The following ITGA9 variants were observed in gnomAD, a reference collection of about 807,000 sequenced individuals.
ITGA9 encodes integrin alpha-9.
In ITGA9, 56 loss-of-function variants were observed where a neutral mutation model predicts 127.8. The observed-to-expected ratio is 0.44, with a 90% CI of 0.35 to 0.55. The LOEUF (loss-of-function observed/expected upper bound fraction) is 0.55, where lower values mean the gene tolerates loss of function less well. Ranked by LOEUF, ITGA9 falls within the 20% of genes least tolerant of loss-of-function variation. The pLI, the probability that ITGA9 is intolerant of heterozygous loss-of-function variation, is 0.00. For synonymous variants in ITGA9, 508 were observed against 514.5 expected (o/e 0.99, Z 0.17); for missense variants, 1,196 against 1,347.1 (o/e 0.89, Z 1.76).
At chr3:37,594,099 G>A (rs1435502167) in intron 15 of ITGA9, among the ~76,000 whole-genome samples, 2 of 152,228 alleles carry the variant, frequency 1.3e-5, no homozygotes, top group African/African-American at 4.8e-5. Flanking sequence ...GGGTGACAAG[G>A]TTGCCAGGGA....
In ITGA9 at chr3:37,523,598, A is replaced by G. The variant is rs1410862341; in HGVS notation, c.1314A>G (p.Gly438=). 6.2e-7 allele frequency: 1 copy of G among 1,611,608 alleles called. No homozygotes were observed. Residue 438 remains glycine (G), a synonymous_variant, in exon 12 of 28, where the codon GGA becomes GGG. Transcript: ENST00000264741. ...TATCGGGAGGCATTGATATGGATGG[A>G]AATGGCTATCCTGGTAAGCTGTTTT... is the stretch of plus-strand genomic sequence containing the variant. ...QSISGGIDMD[G]NGYPDVTVGA...
At position 37,820,851 on chromosome 3, in the gene ITGA9, C is replaced by CT. The variant is rs1275377306; in HGVS notation, c.*1868dup. The CT allele has an allele frequency of 6.6e-6, 1 of 152,178 alleles. No individual in the cohort carries two copies. The highest frequency in any genetic ancestry group is 1.5e-5 in the Non-Finnish European group (1 of 68,026). The allele number at this position is 152,178 out of a possible 1,614,324, so 9.4% of individuals were successfully genotyped here. A position where few individuals can be genotyped will look rare whatever the true frequency, so the allele number is the denominator to read the frequency against. ...AAACCAAGGGTCTTTCTTATAGCACCTTTTTTACTGGAAGCTAACACGTTG... is the reference window on the plus strand; with the variant it reads ...AAACCAAGGGTCTTTCTTATAGCACCTTTTTTTACTGGAAGCTAACACGTTG... On this transcript the variant is annotated 3_prime_UTR_variant, in exon 28 of 28. Coordinates refer to ENST00000264741, the MANE Select transcript of ITGA9 (RefSeq NM_002207.3).
chr3:37,553,391 C>A (rs978686098), intron 15 of ITGA9, among the ~76,000 whole-genome samples: 4 of 152,222 alleles, frequency 2.6e-5, no homozygotes, highest in Non-Finnish European at 4.4e-5. Flanking sequence ...GCTGTCACAT[C>A]TCTTTAGTCT....
chr3:37,690,580 C>T (rs1700821816), intron 18 of ITGA9, among the ~76,000 whole-genome samples: 1 of 152,130 alleles, frequency 6.6e-6, no homozygotes. Flanking sequence ...CAGACCTGGA[C>T]ATGAAAGGAT....
chr3:37,689,579 C>T (rs4378922), intron 18 of ITGA9, among the ~76,000 whole-genome samples: 11,784 of 152,214 alleles, frequency 0.077, 1,408 homozygotes, highest in African/African-American at 0.26. Context: ...TGAGAGGGAG[C>T]TCCTGGGGCC....
chr3:37,521,229 T>A (rs769775417), intron 11 of ITGA9, among the ~76,000 whole-genome samples: 1 of 152,226 alleles, frequency 6.6e-6, no homozygotes, highest in Admixed American at 6.5e-5. Context: ...TGGCAGATTC[T>A]TGCAGGCCCA....
intron 15 of ITGA9, among the ~76,000 whole-genome samples, chr3:37,626,745 T>C (rs1700179845): frequency 6.6e-6 from 1 of 152,164 alleles, no homozygotes; most frequent in Non-Finnish European, 1.5e-5. Context: ...AAAGACAGTG[T>C]CTGTGAAGAG....
chr3:37,516,419 A>C lies in ITGA9; in HGVS notation c.1036-1085A>C, dbSNP rs143503874. ...TTGAAATTGGTGGCCCAATTTCCTC[A>C]TCTGTAAAGTGAGAGGCATCATAAG... On this transcript the variant is annotated intron_variant, in intron 9 of 27. Transcript: ENST00000264741. Among the ~76,000 whole-genome samples the C allele has an allele frequency of 5.4e-3, 817 of 152,246 alleles. 4 individuals are homozygous for C. The highest frequency in any genetic ancestry group is 0.017 in the South Asian group (82 of 4,822).
intron 15 of ITGA9, among the ~76,000 whole-genome samples, chr3:37,583,438 A>AT (rs1300809631): frequency 6.6e-6 from 1 of 151,894 alleles, no homozygotes; most frequent in Non-Finnish European, 1.5e-5. Context: ...TGTTTAATGT[A>AT]TTTTCTGTTG....
intron 15 of ITGA9, among the ~76,000 whole-genome samples, chr3:37,614,951 C>T (rs1183832714): frequency 6.6e-6 from 1 of 152,140 alleles, no homozygotes; most frequent in Admixed American, 6.5e-5. Context: ...ATTGAATACC[C>T]TTTATTTCCT....
At chr3:37,561,627 T>C (rs1487091337) in intron 15 of ITGA9, among the ~76,000 whole-genome samples, 2 of 152,208 alleles carry the variant, frequency 1.3e-5, no homozygotes, top group African/African-American at 2.4e-5. Flanking sequence ...GCAAAATCTT[T>C]CCAGCATTTC....
intron 17 of ITGA9, among the ~76,000 whole-genome samples, chr3:37,666,219 T>G (rs1444249720): frequency 6.6e-6 from 1 of 152,134 alleles, no homozygotes; most frequent in Non-Finnish European, 1.5e-5. Context: ...TGAGGTTGAG[T>G]TCTCCTAGAA....
intron 1 of ITGA9, among the ~76,000 whole-genome samples, chr3:37,468,628 A>G (rs1039254506): frequency 1.8e-4 from 27 of 152,140 alleles, no homozygotes; most frequent in African/African-American, 6.3e-4. Flanking sequence ...TGAATGACTG[A>G]GATCCCAAGA....
At chr3:37,789,398 C>A (rs1697078181) in intron 26 of ITGA9, among the ~76,000 whole-genome samples, 1 of 151,900 alleles carries the variant, frequency 6.6e-6, no homozygotes, top group Non-Finnish European at 1.5e-5. Context: ...ATGCCTAAAC[C>A]AAATTAAAAG....
intron 23 of ITGA9, among the ~76,000 whole-genome samples, chr3:37,768,545 C>T (rs1696805280): frequency 6.6e-6 from 1 of 152,114 alleles, no homozygotes; most frequent in Admixed American, 6.5e-5. Context: ...ACTCAAGGAG[C>T]GTGTGACTTC....
In ITGA9 at chr3:37,597,613, G is replaced by A. The variant is rs1699881290; in HGVS notation, c.1690-31574G>A. Among the ~76,000 whole-genome samples, 1 of 152,210 alleles carries A rather than the reference G, an allele frequency of 6.6e-6. No homozygotes were observed. Among genetic ancestry groups the A allele is most frequent in the Non-Finnish European group, 1.5e-5 (1 of 68,032 alleles). On this transcript the variant is annotated intron_variant, in intron 15 of 27. Transcript: ENST00000264741. This position sits in a 1 kb window ranked among gnomAD's most constrained non-coding sequence, Gnocchi z 4.6. Reference sequence around the variant, plus strand: ...TGTCCGTAGTAAGTACTCAGTAAATGACTGGTGAATGAATGTGTTTTAAAT... The same window carrying A: ...TGTCCGTAGTAAGTACTCAGTAAATAACTGGTGAATGAATGTGTTTTAAAT...
At chr3:37,699,738 C>T (rs1700926207) in intron 18 of ITGA9, among the ~76,000 whole-genome samples, 1 of 152,208 alleles carries the variant, frequency 6.6e-6, no homozygotes, top group Non-Finnish European at 1.5e-5. Flanking sequence ...GAACATGTGT[C>T]CTGTCACTTT....
chr3:37,543,718 G>T (rs1398409070), intron 15 of ITGA9, among the ~76,000 whole-genome samples: 1 of 152,204 alleles, frequency 6.6e-6, no homozygotes. Flanking sequence ...CAGAGCAGAA[G>T]AATAACAGCT....
At chr3:37,512,159 CT>C (rs369704711) in intron 8 of ITGA9, among the ~76,000 whole-genome samples, 32 of 17,158 alleles carry the variant, frequency 1.9e-3, no homozygotes, top group East Asian at 5.6e-3. Context: ...CTTTTCTTTT[CT>C]TTTCTTTTCT....
Sources: allele counts gnomAD v4.1 joint callset (sites outside exome capture counted in the v4.1 genomes callset), GRCh38; gene constraint gnomAD v4.1.1; non-coding constraint Gnocchi (gnomAD v3.1); transcripts MANE v1.5; gene names NCBI Gene and HGNC (gene_info 2026-07-23, HGNC 2026-07-21).